Variants in PDRG1 observed in about 807,000 individuals in gnomAD.
PDRG1 encodes p53 and DNA damage-regulated protein 1.
In PDRG1, 14 loss-of-function variants were observed where a neutral mutation model predicts 18.4. That is an observed-to-expected ratio of 0.76 (90% CI 0.50 to 1.19). The LOEUF (loss-of-function observed/expected upper bound fraction) is 1.19, where lower values mean the gene tolerates loss of function less well. Among genes scored for constraint, PDRG1 ranks in the 50% most tolerant of loss-of-function variants. The pLI is 0.00. For synonymous variants in PDRG1, 65 were observed against 60.9 expected, an observed-to-expected ratio of 1.07 and a Z score of -0.31; for missense variants, 177 against 160.1, an observed-to-expected ratio of 1.11 and a Z score of -0.57.
chr20:31,949,553 CAG>C (rs1230529157), intron 2 of PDRG1, among the ~76,000 whole-genome samples: 1 of 151,696 alleles, frequency 6.6e-6, no homozygotes, highest in Non-Finnish European at 1.5e-5. Context: ...GTCTGGGTGA[CAG>C]AGCAAGGCTC....
At chr20:31,948,694 T>G (rs1290770496) in intron 3 of PDRG1, 114 bp downstream of exon 3, 1 of 947,496 alleles carries the variant, frequency 1.1e-6, no homozygotes, top group Non-Finnish European at 1.6e-6. Flanking sequence ...GTCTGAACCC[T>G]GTGACAGAAC....
In PDRG1 at chr20:31,945,573, A is replaced by T. The variant is rs1041390997; in HGVS notation, c.*234T>A. On this transcript the variant is annotated 3_prime_UTR_variant, in exon 5 of 5. Transcript: ENST00000202017. ...CCACTGGTGGCTACCAAGGCCCGTC[A>T]ATAGATCTTGTGTCCACCGAGCCCT... is the stretch of plus-strand genomic sequence containing the variant. The T allele has an allele frequency of 2.2e-6, 1 of 455,140 alleles. No individual in the cohort carries two copies. Among genetic ancestry groups the T allele is most frequent in the Non-Finnish European group, 3.9e-6 (1 of 253,310 alleles). The allele number at this position is 455,140 out of a possible 1,614,324, so 28.2% of individuals were successfully genotyped here. A position where few individuals can be genotyped will look rare whatever the true frequency, so the allele number is the denominator to read the frequency against.
rs1348108893 is a variant in PDRG1, at chr20:31,945,744, G to C, written c.*63C>G. The C allele has an allele frequency of 4.5e-6, 6 of 1,345,694 alleles. No homozygotes were observed. Among genetic ancestry groups the C allele is most frequent in the Non-Finnish European group, 5.3e-6 (5 of 950,508 alleles). 83.4% of individuals were successfully genotyped at this position (1,345,694 alleles called of 1,614,324 possible). ...TCCTGTCCTTACAGGTGTCAAGGTT[G>C]GAGGGTCCTGGGTCCTCCATGACCC... On this transcript the variant is annotated 3_prime_UTR_variant, in exon 5 of 5. Transcript: ENST00000202017.
chr20:31,948,958 C>A, intron 2 of PDRG1, 76 bp from the exon 3 acceptor site: 1 of 1,376,358 alleles, frequency 7.3e-7, no homozygotes, highest in South Asian at 1.2e-5. Flanking sequence ...GTTTTAGATA[C>A]AGACAACAGA....
In PDRG1 at chr20:31,944,518, T is replaced by C. The variant is rs1371221935; in HGVS notation, c.*1289A>G. On this transcript the variant is annotated 3_prime_UTR_variant, in exon 5 of 5. Coordinates refer to ENST00000202017, the MANE Select transcript of PDRG1 (RefSeq NM_030815.3). ...CACACTGTGCTTGCACAAAAATTATTAGCTTATAAGACACCAGCCTTCCCC... is the reference window on the plus strand; with the variant it reads ...CACACTGTGCTTGCACAAAAATTATCAGCTTATAAGACACCAGCCTTCCCC... 2.0e-5 allele frequency: 3 copies of C among 152,386 alleles called. No individual in the cohort carries two copies. Among genetic ancestry groups the C allele is most frequent in the African/African-American group, 4.8e-5 (2 of 41,468 alleles). 9.4% of individuals were successfully genotyped at this position (152,386 alleles called of 1,614,324 possible).
intron 3 of PDRG1, among the ~76,000 whole-genome samples, chr20:31,947,232 T>C (rs1190744983): frequency 6.6e-6 from 1 of 152,228 alleles, no homozygotes; most frequent in Non-Finnish European, 1.5e-5. Context: ...ACATTCTGGC[T>C]AGCCTGTCTT....
At chr20:31,947,308 T>C (rs1007066407) in intron 3 of PDRG1, among the ~76,000 whole-genome samples, 2 of 152,266 alleles carry the variant, frequency 1.3e-5, no homozygotes, top group African/African-American at 4.8e-5. Context: ...AGCCTGGTTC[T>C]ATTTCTCATT....
At position 31,948,821 on chromosome 20, in the gene PDRG1, T is replaced by C; in HGVS notation, c.225A>G (p.Glu75=). The change falls in exon 3 of 5, where the codon GAA becomes GAG. Residue 75 remains glutamate, a synonymous_variant. Coordinates refer to ENST00000202017, the MANE Select transcript of PDRG1 (RefSeq NM_030815.3). ...FIKMPHPETK[E]MIEKDQDHLD... The stretch of plus-strand genomic sequence containing the variant: ...AGGAGGCCTTACCTTTTTCAATCAT[T>C]TCCTTTGTCTCAGGGTGAGGCATCT... 1 of 1,613,860 alleles carries C rather than the reference T, an allele frequency of 6.2e-7. No homozygotes were observed. The highest frequency in any genetic ancestry group is 8.5e-7 in the Non-Finnish European group (1 of 1,179,884).
rs548757558 is a variant in PDRG1, at chr20:31,945,832, G to A, written c.377C>T (p.Ala126Val). 1.9e-6 allele frequency: 3 copies of A among 1,613,980 alleles called. No individual in the cohort carries two copies. The highest frequency in any genetic ancestry group is 2.2e-5 in the South Asian group (2 of 91,052). Residue 126 changes from alanine to valine, a missense_variant, in exon 5 of 5, where the codon GCT becomes GTT. Physicochemically the swap from Ala to Val is moderately conservative, Grantham distance 64. Transcript: ENST00000202017. ...TCATCCTTTCAAGATGACCTTGAGA[G>A]CTTTAAGCTCATCCTGGTTGAGGGG... is the stretch of plus-strand genomic sequence containing the variant. ...LNPLNQDELKALKVILKG is the reference protein window; with the variant it reads ...LNPLNQDELKVLKVILKG
chr20:31,947,813 C>T (rs1159760146), intron 3 of PDRG1, among the ~76,000 whole-genome samples: 1 of 152,080 alleles, frequency 6.6e-6, no homozygotes, highest in Non-Finnish European at 1.5e-5. Flanking sequence ...TTGCTTGAAC[C>T]TGGGAGGCAA....
At position 31,951,994 on chromosome 20, in the gene PDRG1, C is replaced by T. The variant is rs758904139; in HGVS notation, c.-33G>A. ...ACCAACTCCGCTTGCGGCTCTCGCG[C>T]GACCCCGGGATCTCCGCTTCGACTC... On this transcript the variant is annotated 5_prime_UTR_variant, in exon 1 of 5. Coordinates refer to ENST00000202017, the MANE Select transcript of PDRG1 (RefSeq NM_030815.3). 9 of 1,514,660 alleles carry T rather than the reference C, an allele frequency of 5.9e-6. No homozygotes were observed. The highest frequency in any genetic ancestry group is 3.8e-5 in the South Asian group (3 of 78,834). The allele number at this position is 1,514,660 out of a possible 1,614,324, so 93.8% of individuals were successfully genotyped here.
intron 1 of PDRG1, 57 bp downstream of exon 1, chr20:31,951,818 G>T: frequency 6.6e-7 from 1 of 1,509,736 alleles, no homozygotes; most frequent in Non-Finnish European, 8.9e-7. Context: ...CTGCGACCCC[G>T]CGCGCTTTCC....
Position 31,952,036 on chromosome 20 carries a change from G to A in PDRG1, c.-75C>T, listed in dbSNP as rs982734696. Reference sequence around the variant, plus strand: ...CTTCGACTCCCGCTGCGCACGCGCCGCTCTCTAGGTGCTTCCGGCGCGCCT... The same window carrying A: ...CTTCGACTCCCGCTGCGCACGCGCCACTCTCTAGGTGCTTCCGGCGCGCCT... On this transcript the variant is annotated 5_prime_UTR_variant, in exon 1 of 5. Coordinates refer to ENST00000202017, the MANE Select transcript of PDRG1 (RefSeq NM_030815.3). The A allele has an allele frequency of 3.1e-5, 46 of 1,479,448 alleles. No homozygotes were observed. Among genetic ancestry groups the A allele is most frequent in the Non-Finnish European group, 4.0e-5 (45 of 1,116,304 alleles). 91.6% of individuals were successfully genotyped at this position (1,479,448 alleles called of 1,614,324 possible).
Position 31,948,848 on chromosome 20 carries a change from G to C in PDRG1, c.198C>G (p.Ile66Met). 1 of 1,614,000 alleles carries C rather than the reference G, an allele frequency of 6.2e-7. No homozygotes were observed. The highest frequency in any genetic ancestry group is 8.5e-7 in the Non-Finnish European group (1 of 1,179,956). The change falls in exon 3 of 5, where the codon ATC (isoleucine) becomes ATG (methionine). Residue 66 changes from isoleucine (I) to methionine (M), a missense_variant. Physicochemically the swap from Ile to Met is conservative, Grantham distance 10. Coordinates refer to ENST00000202017, the MANE Select transcript of PDRG1 (RefSeq NM_030815.3). ...CCTTTGTCTCAGGGTGAGGCATCTT[G>C]ATAAACATGTTCCCGAAGCAAACCA... is the stretch of plus-strand genomic sequence containing the variant. ...DVMVCFGNMF[I>M]KMPHPETKEM...
Position 31,951,886 on chromosome 20 carries a change from C to T in PDRG1, c.76G>A (p.Asp26Asn), listed in dbSNP as rs2052209909. Residue 26 changes from aspartate to asparagine, a missense_variant, in exon 1 of 5, where the codon GAC becomes AAC. By Grantham distance (23) the Asp-to-Asn change is conservative. Coordinates refer to ENST00000202017, the MANE Select transcript of PDRG1 (RefSeq NM_030815.3). ...VEELAEEVLADKRQIVDLDTK... is the reference protein window; with the variant it reads ...VEELAEEVLANKRQIVDLDTK... ...GAGGGGCCTCTCACCTGCCGCTTGT[C>T]CGCCAGCACCTCCTCGGCGAGCTCC... 2.5e-6 allele frequency: 4 copies of T among 1,586,416 alleles called. No homozygotes were observed. The South Asian group carries it at 4.6e-5, about 18-fold the overall frequency.
chr20:31,951,781 C>A, intron 1 of PDRG1, 94 bp downstream of exon 1: 4 of 1,338,170 alleles, frequency 3.0e-6, no homozygotes, highest in South Asian at 3.0e-5. Flanking sequence ...GCCTCGGAGC[C>A]GTTAACCGCC....
Position 31,952,009 on chromosome 20 carries a change from C to T in PDRG1, c.-48G>A. The T allele has an allele frequency of 6.7e-7, 1 of 1,494,004 alleles. No homozygotes were observed. The highest frequency in any genetic ancestry group is 8.9e-7 in the Non-Finnish European group (1 of 1,124,962). 92.5% of individuals were successfully genotyped at this position (1,494,004 alleles called of 1,614,324 possible). A position where few individuals can be genotyped will look rare whatever the true frequency, so the allele number is the denominator to read the frequency against. On this transcript the variant is annotated 5_prime_UTR_variant, in exon 1 of 5. Transcript: ENST00000202017. ...GGCTCTCGCGCGACCCCGGGATCTC[C>T]GCTTCGACTCCCGCTGCGCACGCGC...
chr20:31,951,883 T>G lies in PDRG1; in HGVS notation c.79A>C (p.Lys27Gln). 6.3e-7 allele frequency: 1 copy of G among 1,585,934 alleles called. No homozygotes were observed. The highest frequency in any genetic ancestry group is 1.8e-4 in the Middle Eastern group (1 of 5,626). Residue 27 changes from lysine (K) to glutamine (Q), a missense_variant, in exon 1 of 5, where the codon AAG becomes CAG. By Grantham distance (53) the Lys-to-Gln change is moderately conservative (BLOSUM62 1). Transcript: ENST00000202017. ...GCGGAGGGGCCTCTCACCTGCCGCT[T>G]GTCCGCCAGCACCTCCTCGGCGAGC... ...EELAEEVLAD[K>Q]RQIVDLDTKR...
At position 31,947,579 on chromosome 20, in the gene PDRG1, T is replaced by C. The variant is rs201902205; in HGVS notation, c.239-1003A>G. On this transcript the variant is annotated intron_variant, in intron 3 of 4. Transcript: ENST00000202017. The stretch of plus-strand genomic sequence containing the variant: ...GCTGGAAACTTCTCCAGGCTGGATA[T>C]AGCTTCCTGTTAGTAGTTTTATGTC... Among the ~76,000 whole-genome samples the C allele has an allele frequency of 1.2e-4, 19 of 152,332 alleles. No homozygotes were observed. In the East Asian group the frequency reaches 3.7e-3, roughly 29 times the overall value.
Sources: gnomAD v4.1 joint callset for allele counts (sites outside exome capture counted in the v4.1 genomes callset) on GRCh38, gnomAD v4.1.1 for gene constraint, MANE v1.5 for transcripts, NCBI Gene and HGNC (gene_info 2026-07-23, HGNC 2026-07-21) for gene names.